The following PTPRG variants were observed in gnomAD, a reference collection of about 807,000 sequenced individuals.
PTPRG encodes receptor-type tyrosine-protein phosphatase gamma.
Under a neutral mutation model 165.3 loss-of-function variants are expected in PTPRG, and 102 were observed. The ratio of observed to expected loss-of-function variants is 0.62; its 90% CI spans 0.53 to 0.73. PTPRG has a LOEUF of 0.73. PTPRG is among the 30% of genes least tolerant of loss of function. The pLI, the probability that PTPRG is intolerant of heterozygous loss-of-function variation, is 0.00. For missense variants in PTPRG, 1,866 were observed against 1,861.4 expected, an observed-to-expected ratio of 1.00 and a Z score of -0.05; for synonymous variants, 675 against 669.5, an observed-to-expected ratio of 1.01 and a Z score of -0.13.
At chr3:61,637,777 T>C (rs909291414) in intron 1 of PTPRG, among the ~76,000 whole-genome samples, 1 of 152,154 alleles carries the variant, frequency 6.6e-6, no homozygotes, top group African/African-American at 2.4e-5. Context: ...AACAGAGATA[T>C]CAGTCACATT....
intron 2 of PTPRG, among the ~76,000 whole-genome samples, chr3:61,761,862 T>C (rs1049662178): frequency 2.0e-5 from 3 of 152,198 alleles, no homozygotes; most frequent in Non-Finnish European, 4.4e-5. Flanking sequence ...CCCCAATTAT[T>C]GTTGGCCACT....
intron 5 of PTPRG, chr3:62,124,099 T>C (rs1185944696): frequency 1.8e-6 from 1 of 554,054 alleles, no homozygotes; most frequent in African/African-American, 1.9e-5. Context: ...TCCATTCAAC[T>C]TGTCCTCCTT....
intron 6 of PTPRG, among the ~76,000 whole-genome samples, chr3:62,156,167 T>G (rs1704530574): frequency 6.6e-6 from 1 of 152,250 alleles, no homozygotes; most frequent in South Asian, 2.1e-4. Flanking sequence ...CTGTTTCTAC[T>G]GCTTACAATG....
At position 62,273,153 on chromosome 3, in the gene PTPRG, G is replaced by T. The variant is rs1455983312; in HGVS notation, c.3318+72G>T. On this transcript the variant is annotated intron_variant, in intron 22 of 29. Coordinates refer to ENST00000474889, the MANE Select transcript of PTPRG (RefSeq NM_002841.4). The surrounding 1 kb of genome is among the most constrained non-coding windows in gnomAD (Gnocchi z 4.1). Reference sequence around the variant, plus strand: ...TAACTGAAATTTGTTAAATGATAATGAAGAGACAGATTCATTCTTTTAGGG... The same window carrying T: ...TAACTGAAATTTGTTAAATGATAATTAAGAGACAGATTCATTCTTTTAGGG... 1.4e-6 allele frequency: 2 copies of T among 1,464,970 alleles called. No individual in the cohort carries two copies. The highest frequency in any genetic ancestry group is 1.8e-6 in the Non-Finnish European group (2 of 1,091,678). 90.7% of individuals were successfully genotyped at this position (1,464,970 alleles called of 1,614,324 possible). A position where few individuals can be genotyped will look rare whatever the true frequency, so the allele number is the denominator to read the frequency against.
chr3:62,068,413 C>T (rs1701091780), intron 4 of PTPRG, among the ~76,000 whole-genome samples: 1 of 152,076 alleles, frequency 6.6e-6, no homozygotes, highest in African/African-American at 2.4e-5. Context: ...TTTAAAGTAG[C>T]TTATATTAAA....
chr3:62,253,201 C>G lies in PTPRG; in HGVS notation c.2468-1923C>G, dbSNP rs566705805. Among the ~76,000 whole-genome samples, 5 of 152,218 alleles carry G rather than the reference C, an allele frequency of 3.3e-5. No homozygotes were observed. In the East Asian group the frequency reaches 9.7e-4, roughly 29 times the overall value. On this transcript the variant is annotated intron_variant, in intron 15 of 29. Coordinates refer to ENST00000474889, the MANE Select transcript of PTPRG (RefSeq NM_002841.4). ...TTTTACCTTACAGAGTAAAACAGTT[C>G]TAAAGCTGACATGTTTTTTCTTATT...
chr3:61,994,110 C>A (rs1415986218), intron 3 of PTPRG, among the ~76,000 whole-genome samples: 1 of 152,204 alleles, frequency 6.6e-6, no homozygotes, highest in Admixed American at 6.5e-5. Flanking sequence ...CATTTGATTT[C>A]ATCTAAAGTT....
intron 4 of PTPRG, among the ~76,000 whole-genome samples, chr3:62,050,565 T>C (rs1700440438): frequency 6.6e-6 from 1 of 152,238 alleles, no homozygotes; most frequent in African/African-American, 2.4e-5. Context: ...CGAGTGGCCA[T>C]GTTTTTTAAA....
At chr3:61,964,253 T>C (rs1162471487) in intron 2 of PTPRG, among the ~76,000 whole-genome samples, 2 of 152,212 alleles carry the variant, frequency 1.3e-5, no homozygotes, top group African/African-American at 2.4e-5. Context: ...CCCAAAGATA[T>C]TGGCAGGATG....
intron 2 of PTPRG, among the ~76,000 whole-genome samples, chr3:61,896,956 T>TA (rs397697040): frequency 5.3e-5 from 8 of 152,110 alleles, no homozygotes; most frequent in Middle Eastern, 3.4e-3. Context: ...GTTTTTTTTT[T>TA]AATATATTCT....
chr3:61,950,314 TG>T (rs1410070144), intron 2 of PTPRG, among the ~76,000 whole-genome samples: 18 of 152,222 alleles, frequency 1.2e-4, no homozygotes, highest in Non-Finnish European at 2.5e-4. Context: ...ACCTGTGTTA[TG>T]ACACCTATGC....
chr3:62,186,464 G>A (rs1284405702), intron 8 of PTPRG, among the ~76,000 whole-genome samples: 1 of 152,112 alleles, frequency 6.6e-6, no homozygotes, highest in Non-Finnish European at 1.5e-5. Flanking sequence ...AGGGTGATGG[G>A]CACACAGGGT....
chr3:62,183,522 C>T (rs528300400), intron 8 of PTPRG, among the ~76,000 whole-genome samples: 58 of 150,928 alleles, frequency 3.8e-4, no homozygotes, highest in African/African-American at 1.3e-3. Flanking sequence ...CAAGATTACA[C>T]CACTGCACTC....
In PTPRG at chr3:62,219,332, C is replaced by T. The variant is rs1700593763; in HGVS notation, c.2288+349C>T. On this transcript the variant is annotated intron_variant, in intron 13 of 29. Coordinates refer to ENST00000474889, the MANE Select transcript of PTPRG (RefSeq NM_002841.4). The surrounding 1 kb of genome is among the most constrained non-coding windows in gnomAD (Gnocchi z 4.5). ...GAACCAGCAAAATGAGTTAACAAGT[C>T]ATAGCATTTGCAGTTTTTCTGAGAT... is the stretch of plus-strand genomic sequence containing the variant. Among the ~76,000 whole-genome samples, 2 of 152,230 alleles carry T rather than the reference C, an allele frequency of 1.3e-5. No individual in the cohort carries two copies. The highest frequency in any genetic ancestry group is 4.1e-4 in the South Asian group (2 of 4,834).
intron 2 of PTPRG, among the ~76,000 whole-genome samples, chr3:61,884,324 G>T (rs1215105320): frequency 6.6e-6 from 1 of 152,182 alleles, no homozygotes; most frequent in African/African-American, 2.4e-5. Flanking sequence ...TACCAGCTCG[G>T]TGAAATGAAT....
Position 62,105,975 on chromosome 3 carries a change from A to G in PTPRG, c.616-26627A>G, listed in dbSNP as rs1702460060. Among the ~76,000 whole-genome samples the G allele has an allele frequency of 7.9e-5, 12 of 152,240 alleles. 1 individual carries two copies. Among genetic ancestry groups the G allele is most frequent in the Admixed American group, 7.8e-4 (12 of 15,292 alleles). ...CTGGTAGGATTAGTTTTGTAGAAAC[A>G]TTAACACATTTAGAGATTTTTTCTG... On this transcript the variant is annotated intron_variant, in intron 5 of 29. Coordinates refer to ENST00000474889, the MANE Select transcript of PTPRG (RefSeq NM_002841.4).
chr3:61,568,777 G>A (rs1699987947), intron 1 of PTPRG, among the ~76,000 whole-genome samples: 1 of 152,110 alleles, frequency 6.6e-6, no homozygotes, highest in African/African-American at 2.4e-5. Context: ...GCATGGTGGT[G>A]CACACCTGTA....
intron 2 of PTPRG, among the ~76,000 whole-genome samples, chr3:61,804,142 A>T (rs907364078): frequency 1.3e-5 from 2 of 152,188 alleles, no homozygotes; most frequent in African/African-American, 4.8e-5. Context: ...AGTCCTCTCT[A>T]TTGGTTTTCT....
At chr3:61,847,364 C>T (rs918120396) in intron 2 of PTPRG, among the ~76,000 whole-genome samples, 1 of 152,164 alleles carries the variant, frequency 6.6e-6, no homozygotes. Flanking sequence ...TGGAGTAGAT[C>T]TTCCCCTCAT....
Sources: allele counts gnomAD v4.1 joint callset (sites outside exome capture counted in the v4.1 genomes callset), GRCh38; gene constraint gnomAD v4.1.1; non-coding constraint Gnocchi (gnomAD v3.1); transcripts MANE v1.5; gene names NCBI Gene and HGNC (gene_info 2026-07-23, HGNC 2026-07-21).